Variants in CATSPERE observed in about 807,000 individuals in gnomAD.
CATSPERE encodes catsper channel auxiliary subunit epsilon.
In CATSPERE, 93 loss-of-function variants were observed where a neutral mutation model predicts 114.1. That is an observed-to-expected ratio of 0.81 (90% confidence interval 0.69 to 0.97). The LOEUF is 0.97. CATSPERE is among the 50% of genes least tolerant of loss of function. CATSPERE has a pLI of 0.00. For missense variants in CATSPERE, 1,058 were observed against 1,131.6 expected, an observed-to-expected ratio of 0.93 and a Z score of 0.93; for synonymous variants, 341 against 384.1, an observed-to-expected ratio of 0.89 and a Z score of 1.31.
At chr1:244,599,289 C>G (rs536439125) in intron 17 of CATSPERE, among the ~76,000 whole-genome samples, 5 of 152,244 alleles carry the variant, frequency 3.3e-5, no homozygotes, top group African/African-American at 1.2e-4. Context: ...ATATATCAAA[C>G]GTAACCTGTC....
chr1:244,460,675 A>C (rs955893542), upstream of CATSPERE, among the ~76,000 whole-genome samples: 3 of 152,246 alleles, frequency 2.0e-5, no homozygotes, highest in African/African-American at 7.2e-5. Flanking sequence ...GCACTTTGGG[A>C]GGCTGAGGCG....
Position 244,477,976 on chromosome 1 carries a change from G to A in CATSPERE, c.258+1G>A, listed in dbSNP as rs776053074. On this transcript the variant is annotated splice_donor_variant, in intron 4 of 21. Coordinates refer to ENST00000366534, the MANE Select transcript of CATSPERE (RefSeq NM_001130957.2). LOFTEE classifies it high-confidence loss of function. ...TATAAAACCAATTGTTACTGGCCCA[G>A]TAAGTTGTTTTAATGATATGTTATT... 19 of 1,585,382 alleles carry A rather than the reference G, an allele frequency of 1.2e-5. No individual in the cohort carries two copies. Among genetic ancestry groups the A allele is most frequent in the Non-Finnish European group, 1.5e-5 (17 of 1,155,982 alleles).
rs796211656 is a variant in CATSPERE, at chr1:244,609,358, CT to C, written c.2404-869del. Among the ~76,000 whole-genome samples the C allele has an allele frequency of 4.8e-3, 688 of 142,456 alleles. 3 individuals carry two copies. Among genetic ancestry groups the C allele is most frequent in the East Asian group, 0.014 (71 of 4,958 alleles). 93.5% of individuals were successfully genotyped at this position (142,456 alleles called of 152,430 possible). A position where few individuals can be genotyped will look rare whatever the true frequency, so the allele number is the denominator to read the frequency against. ...AAACAAGGATGGCCCTTATCACTTC[CT>C]TTTTTTTTTTTTAGAGAGTCTCACT... On this transcript the variant is annotated intron_variant, in intron 18 of 21. Transcript: ENST00000366534.
intron 6 of CATSPERE, among the ~76,000 whole-genome samples, chr1:244,497,776 G>A (rs1257260499): frequency 6.6e-6 from 1 of 152,072 alleles, no homozygotes; most frequent in African/African-American, 2.4e-5. Context: ...CAGCCTGGGC[G>A]ACAGAGCAAA....
At chr1:244,460,662 C>T (rs1666604016), upstream of CATSPERE, among the ~76,000 whole-genome samples, 3 of 152,230 alleles carry the variant, frequency 2.0e-5, no homozygotes, top group South Asian at 6.2e-4. Context: ...GCCTGTAATC[C>T]CAGCACTTTG....
chr1:244,497,009 A>G (rs550339005), intron 6 of CATSPERE, among the ~76,000 whole-genome samples: 7 of 152,350 alleles, frequency 4.6e-5, no homozygotes, highest in Admixed American at 4.6e-4. Context: ...TATTTAGATA[A>G]GTGGGTAGTC....
At chr1:244,485,778 CCTCAAA>C (rs1670915421) in intron 5 of CATSPERE, among the ~76,000 whole-genome samples, 1 of 150,474 alleles carries the variant, frequency 6.6e-6, no homozygotes, top group Non-Finnish European at 1.5e-5. Flanking sequence ...GCTCACGTAA[CCTCAAA>C]CTCTTGGTGT....
At chr1:244,555,724 C>T (rs1347479565) in intron 9 of CATSPERE, among the ~76,000 whole-genome samples, 4 of 152,102 alleles carry the variant, frequency 2.6e-5, no homozygotes, top group Non-Finnish European at 5.9e-5. Context: ...ATGATAAATT[C>T]AGTAAAGTTG....
rs750318542 is a variant in CATSPERE, at chr1:244,583,868, A to G, written c.2014A>G (p.Lys672Glu). ...TGTACGAATTGTTTCTCCTAGAGAC[A>G]AGCACACGGGTCTTGTGCTGGTTCA... ...RISDYFETQD[K>E]HTGLVLVQFR... The change falls in exon 13 of 22, where the codon AAG becomes GAG. Residue 672 changes from lysine (K) to glutamate (E), a missense_variant. This residue lies in a region of CATSPERE where 787 missense variants were observed against 905.6 expected (regional missense o/e 0.87). Transcript: ENST00000366534. 15 of 1,613,700 alleles carry G rather than the reference A, an allele frequency of 9.3e-6. No homozygotes were observed. The highest frequency in any genetic ancestry group is 1.2e-5 in the Non-Finnish European group (14 of 1,179,638).
Position 244,593,641 on chromosome 1 carries a change from C to T in CATSPERE, c.2303+63C>T, listed in dbSNP as rs1668009760. 1.2e-5 allele frequency: 16 copies of T among 1,343,294 alleles called. No homozygotes were observed. The South Asian group carries it at 2.0e-4, about 17-fold the overall frequency. The allele number at this position is 1,343,294 out of a possible 1,614,324, so 83.2% of individuals were successfully genotyped here. ...AAGTTTCAAACTCAAAGCACGAAAA[C>T]AAGACTAATTGATCATGCATCTAAC... is the stretch of plus-strand genomic sequence containing the variant. On this transcript the variant is annotated intron_variant, in intron 17 of 21. Transcript: ENST00000366534.
intron 7 of CATSPERE, among the ~76,000 whole-genome samples, chr1:244,502,819 G>A (rs1233641303): frequency 6.6e-6 from 1 of 152,144 alleles, no homozygotes; most frequent in Non-Finnish European, 1.5e-5. Context: ...CCTCCAAGAA[G>A]CCATGTAGAA....
At chr1:244,518,439 TAGAA>T (rs1676987954) in intron 7 of CATSPERE, among the ~76,000 whole-genome samples, 149 bp from the exon 8 acceptor site, 1 of 152,156 alleles carries the variant, frequency 6.6e-6, no homozygotes, top group Non-Finnish European at 1.5e-5. Context: ...GGCTATAAGG[TAGAA>T]AGAACAAAGC....
chr1:244,457,102 A>T (rs1339512888), upstream of CATSPERE, among the ~76,000 whole-genome samples: 1 of 152,200 alleles, frequency 6.6e-6, no homozygotes, highest in Non-Finnish European at 1.5e-5. Context: ...GGTGAATCTA[A>T]AAAAAATTCT....
intron 8 of CATSPERE, among the ~76,000 whole-genome samples, chr1:244,546,484 A>C (rs1000369672): frequency 6.6e-6 from 1 of 152,260 alleles, no homozygotes; most frequent in East Asian, 1.9e-4. Context: ...TAAAGTGCCA[A>C]TGACTGGCCC....
intron 8 of CATSPERE, among the ~76,000 whole-genome samples, chr1:244,539,388 A>G (rs1029852190): frequency 2.0e-4 from 26 of 129,434 alleles, no homozygotes; most frequent in Admixed American, 2.0e-3. Context: ...TATTTTATTG[A>G]GGATTTTTGC....
upstream of CATSPERE, among the ~76,000 whole-genome samples, chr1:244,459,539 G>A (rs996027543): frequency 1.3e-5 from 2 of 152,126 alleles, no homozygotes; most frequent in African/African-American, 4.8e-5. Context: ...TAAACAAATC[G>A]GTTCTATCAT....
At chr1:244,577,823 A>G (rs959425397) in intron 11 of CATSPERE, among the ~76,000 whole-genome samples, 2 of 152,236 alleles carry the variant, frequency 1.3e-5, no homozygotes, top group African/African-American at 4.8e-5. Flanking sequence ...ACAAATACAT[A>G]CACATAAATA....
rs151162828 is a variant in CATSPERE at position 244,505,027 on chromosome 1, C to T, written c.429+5948C>T. Among the ~76,000 whole-genome samples the T allele has an allele frequency of 2.8e-3, 430 of 152,234 alleles. 7 individuals are homozygous for T. Among genetic ancestry groups the T allele is most frequent in the African/African-American group, 1.0e-2 (414 of 41,542 alleles). ...AATCATTTATTTATATCACTGTGGA[C>T]TCATGAATATTTATTTTATGTTTTG... is the stretch of plus-strand genomic sequence containing the variant. On this transcript the variant is annotated intron_variant, in intron 7 of 21. Transcript: ENST00000366534.
At position 244,552,330 on chromosome 1, in the gene CATSPERE, G is replaced by A. The variant is rs754582110; in HGVS notation, c.545G>A (p.Arg182His). ...TTTCTTTCTCTTCTTAGGACCTGGC[G>A]TATTGTAGTACCAATGACAAAAGAT... is the stretch of plus-strand genomic sequence containing the variant. Reference protein sequence around the residue: ...SNEKMRRGTWRIVVPMTKDDA... With the variant: ...SNEKMRRGTWHIVVPMTKDDA... The change falls in exon 9 of 22, where the codon CGT becomes CAT. Residue 182 changes from arginine (R) to histidine (H), a missense_variant. This residue lies in a region of CATSPERE where 271 missense variants were observed against 225.9 expected (regional missense o/e 1.20). Transcript: ENST00000366534. The A allele has an allele frequency of 5.4e-5, 87 of 1,607,080 alleles. No individual in the cohort carries two copies. The highest frequency in any genetic ancestry group is 6.4e-5 in the Non-Finnish European group (75 of 1,176,646).
Sources: gnomAD v4.1 joint callset for allele counts (sites outside exome capture counted in the v4.1 genomes callset) on GRCh38, gnomAD v4.1.1 for gene constraint, gnomAD v4.1.1 regional missense constraint, MANE v1.5 for transcripts, NCBI Gene and HGNC (gene_info 2026-07-23, HGNC 2026-07-21) for gene names.